Variants in TM7SF3 observed in about 807,000 individuals in gnomAD.
TM7SF3 encodes the protein transmembrane 7 superfamily member 3, also known as seven span transmembrane protein.
TM7SF3 carries 60 observed loss-of-function variants against 65.5 expected under a neutral mutation model. That is an observed-to-expected ratio of 0.92 (90% CI 0.74 to 1.14). TM7SF3 has a LOEUF of 1.14. Ranked by LOEUF, TM7SF3 falls within the 50% of genes most tolerant of loss-of-function variation. The pLI is 0.00. For synonymous variants in TM7SF3, 264 were observed against 259.6 expected (o/e 1.02, Z -0.16); for missense variants, 623 against 684.8 (o/e 0.91, Z 1.01).
rs1049155204 is a variant in TM7SF3 at position 27,011,321 on chromosome 12, G to A, written c.91+2757C>T. On this transcript the variant is annotated intron_variant, in intron 1 of 11. Transcript: ENST00000343028. ...CCAATTACTATGAAATTCCACGGGA[G>A]TTACTGGATATGAATCTAAACAAAT... 2.0e-5 allele frequency among the ~76,000 whole-genome samples: 3 copies of A among 152,300 alleles called. No homozygotes were observed. In the South Asian group the frequency reaches 6.2e-4, roughly 32 times the overall value.
rs150508610 is a variant in TM7SF3 at position 26,995,244 on chromosome 12, G to A, written c.683C>T (p.Ala228Val). 926 of 1,613,660 alleles carry A rather than the reference G, an allele frequency of 5.7e-4. 6 individuals carry two copies. In the African/African-American group the frequency reaches 0.011, roughly 20 times the overall value. The change falls in exon 5 of 12, where the codon GCT becomes GTT. Residue 228 changes from alanine (A) to valine (V), a missense_variant. Ala to Val is a moderately conservative substitution (Grantham distance 64). Coordinates refer to ENST00000343028, the MANE Select transcript of TM7SF3 (RefSeq NM_016551.3). ...MVSVPQVKAS[A>V]LKVVTLTAND... ...CATGGGACTCAGATTTACCTTGAGAGCACTGGCCTTCACCTGGGGCACACT... is the reference window on the plus strand; with the variant it reads ...CATGGGACTCAGATTTACCTTGAGAACACTGGCCTTCACCTGGGGCACACT...
rs1435733685 is a variant in TM7SF3 at position 26,973,474 on chromosome 12, G to A, written c.*491C>T. ...AGGTGTGAGCCACCATGTCTGGCTT[G>A]CTTCTCTTTTTGTATTCTAAAATTC... On this transcript the variant is annotated 3_prime_UTR_variant, in exon 12 of 12. Transcript: ENST00000343028. The A allele has an allele frequency of 2.0e-5, 3 of 153,016 alleles. No individual in the cohort carries two copies. Among genetic ancestry groups the A allele is most frequent in the African/African-American group, 4.8e-5 (2 of 41,408 alleles). 9.5% of individuals were successfully genotyped at this position (153,016 alleles called of 1,614,324 possible).
Position 26,972,036 on chromosome 12 carries a change from G to A in TM7SF3, c.*1929C>T, listed in dbSNP as rs77656594. ...TTTAAATAGTGGTTAACTCATAAAC[G>A]TGTATGCAACAACATTCCACAACCC... On this transcript the variant is annotated 3_prime_UTR_variant, in exon 12 of 12. Transcript: ENST00000343028. The A allele has an allele frequency of 2.6e-5, 4 of 152,268 alleles. No individual in the cohort carries two copies. The highest frequency in any genetic ancestry group is 4.4e-5 in the Non-Finnish European group (3 of 68,020). The allele number at this position is 152,268 out of a possible 1,614,324, so 9.4% of individuals were successfully genotyped here.
chr12:26,995,108 G>T, intron 5 of TM7SF3, 129 bp downstream of exon 5: 1 of 924,898 alleles, frequency 1.1e-6, no homozygotes, highest in Non-Finnish European at 1.6e-6. Flanking sequence ...GATAACAAAA[G>T]AGAATAAAGT....
chr12:26,990,699 C>A (rs35719635), intron 5 of TM7SF3, 72 bp from the exon 6 acceptor site: 1 of 1,122,238 alleles, frequency 8.9e-7, no homozygotes, highest in South Asian at 1.5e-5. Flanking sequence ...ATCCCACCTA[C>A]GTGTAATATT....
intron 6 of TM7SF3, chr12:26,983,607 A>G (rs1401994049): frequency 2.2e-6 from 1 of 453,166 alleles, no homozygotes; most frequent in East Asian, 6.9e-5. Flanking sequence ...CTGAAACAAG[A>G]TAATGGCCAT....
chr12:26,995,315 AT>A lies in TM7SF3; in HGVS notation c.611del (p.Asn204MetfsTer9). ...YDVYQYFLPE[N>X]DLTEEMLLKH... The stretch of plus-strand genomic sequence containing the variant: ...TCAGCAACATCTCCTCAGTGAGGTC[AT>A]TCTCAGGCAGAAAATACTGATAGAC... On this transcript the variant is annotated frameshift_variant, in exon 5 of 12. Coordinates refer to ENST00000343028, the MANE Select transcript of TM7SF3 (RefSeq NM_016551.3). LOFTEE classifies it high-confidence loss of function. 1 of 1,614,174 alleles carries A rather than the reference AT, an allele frequency of 6.2e-7. No individual in the cohort carries two copies. Among genetic ancestry groups the A allele is most frequent in the South Asian group, 1.1e-5 (1 of 91,080 alleles).
chr12:26,990,397 A>G (rs967853490), intron 6 of TM7SF3, 53 bp downstream of exon 6: 6 of 1,364,290 alleles, frequency 4.4e-6, no homozygotes, highest in South Asian at 2.5e-5. Context: ...AGACAAAAGC[A>G]TTATCTGCAA....
At chr12:26,990,084 G>A (rs956284478) in intron 6 of TM7SF3, among the ~76,000 whole-genome samples, 5 of 152,084 alleles carry the variant, frequency 3.3e-5, no homozygotes, top group Non-Finnish European at 7.3e-5. Flanking sequence ...CCTGGTACAT[G>A]CCACACCCAG....
rs768305869 is a variant in TM7SF3 at position 26,982,836 on chromosome 12, A to G, written c.892T>C (p.Phe298Leu). 2.5e-6 allele frequency: 4 copies of G among 1,607,986 alleles called. No homozygotes were observed. Among genetic ancestry groups the G allele is most frequent in the Non-Finnish European group, 2.5e-6 (3 of 1,178,154 alleles). ...SLGRVSSKVF[F>L]TLFALLGFFI... ...AAACCAAGCAGGGCAAAAAGAGTGA[A>G]GAACACTTTGGAAGACACTCTTCCT... Residue 298 changes from phenylalanine (F) to leucine (L), a missense_variant, in exon 7 of 12, where the codon TTC (phenylalanine) becomes CTC (leucine). Physicochemically the swap from Phe to Leu is conservative, Grantham distance 22. Coordinates refer to ENST00000343028, the MANE Select transcript of TM7SF3 (RefSeq NM_016551.3).
intron 2 of TM7SF3, among the ~76,000 whole-genome samples, chr12:27,000,133 T>C (rs1371051708): frequency 6.6e-6 from 1 of 152,206 alleles, no homozygotes; most frequent in Non-Finnish European, 1.5e-5. Context: ...ATGAGGGCTC[T>C]AAATGGGGGC....
intron 1 of TM7SF3, chr12:27,012,649 A>G (rs894207136): frequency 6.6e-6 from 3 of 455,926 alleles, no homozygotes; most frequent in African/African-American, 2.0e-5. Flanking sequence ...CCATTCACCA[A>G]GCACAAGACT....
intron 4 of TM7SF3, 151 bp from the exon 5 acceptor site, chr12:26,995,559 G>A: frequency 1.2e-6 from 1 of 800,546 alleles, no homozygotes. Flanking sequence ...GTATTCTGAA[G>A]AAAAGTAATG....
At chr12:26,978,627 A>G (rs55714346) in intron 9 of TM7SF3, 24,513 of 152,166 alleles carry the variant, frequency 0.16, 2,161 homozygotes, top group Non-Finnish European at 0.2. Context: ...CCCAGGCTGG[A>G]GTGCAATGGC....
intron 1 of TM7SF3, among the ~76,000 whole-genome samples, chr12:27,009,973 T>C (rs1367604886): frequency 3.3e-5 from 5 of 152,228 alleles, no homozygotes; most frequent in Non-Finnish European, 7.3e-5. Context: ...CAGTTGTGGT[T>C]TGATTCCTGG....
chr12:27,009,554 CTTTAAT>C lies in TM7SF3; in HGVS notation c.91+4518_91+4523del, dbSNP rs914749593. On this transcript the variant is annotated intron_variant, in intron 1 of 11. Transcript: ENST00000343028. Reference sequence around the variant, plus strand: ...CTATTTTAAATGTACTTTTTCTTTTCTTTAATTTTATTTCTTAACGTTTTGTAGAGA... The same window carrying C: ...CTATTTTAAATGTACTTTTTCTTTTCTTTATTTCTTAACGTTTTGTAGAGA... Among the ~76,000 whole-genome samples, 5 of 152,108 alleles carry C rather than the reference CTTTAAT, an allele frequency of 3.3e-5. No individual in the cohort carries two copies. The East Asian group carries it at 5.8e-4, about 18-fold the overall frequency.
At chr12:26,980,839 AT>A (rs1207279956) in intron 7 of TM7SF3, among the ~76,000 whole-genome samples, 193 bp from the exon 8 acceptor site, 3 of 152,220 alleles carry the variant, frequency 2.0e-5, no homozygotes, top group South Asian at 2.1e-4. Context: ...GGGAGTAATT[AT>A]TATTAAACAG....
intron 5 of TM7SF3, among the ~76,000 whole-genome samples, chr12:26,992,970 C>T (rs1940439872): frequency 7.2e-6 from 1 of 137,968 alleles, no homozygotes; most frequent in Admixed American, 7.9e-5. Flanking sequence ...AGTGCAGTGG[C>T]GTGATCTCAG....
Position 27,014,241 on chromosome 12 carries a change from C to A in TM7SF3, c.-73G>T. The A allele has an allele frequency of 6.9e-7, 1 of 1,444,676 alleles. No individual in the cohort carries two copies. The highest frequency in any genetic ancestry group is 9.3e-7 in the Non-Finnish European group (1 of 1,070,480). The allele number at this position is 1,444,676 out of a possible 1,614,324, so 89.5% of individuals were successfully genotyped here. On this transcript the variant is annotated 5_prime_UTR_variant, in exon 1 of 12. Coordinates refer to ENST00000343028, the MANE Select transcript of TM7SF3 (RefSeq NM_016551.3). The stretch of plus-strand genomic sequence containing the variant: ...GGGCGTGCGCGCCGGGGCCCCGCAG[C>A]CTCGCCCACGCTATCCCGGGGCGCC...
Sources: gnomAD v4.1 joint callset for allele counts (sites outside exome capture counted in the v4.1 genomes callset) on GRCh38, gnomAD v4.1.1 for gene constraint, MANE v1.5 for transcripts, NCBI Gene and HGNC (gene_info 2026-07-23, HGNC 2026-07-21) for gene names.